Variants in ZNF469 observed in about 807,000 individuals in gnomAD.
ZNF469 encodes zinc finger protein 469.
Under a neutral mutation model 1.0 loss-of-function variants are expected in ZNF469, and 1 was observed. The ratio of observed to expected loss-of-function variants is 1.00; its 90% confidence interval spans 0.35 to 4.73. The LOEUF (loss-of-function observed/expected upper bound fraction) is 4.73, where lower values mean the gene tolerates loss of function less well. Ranked by LOEUF, ZNF469 falls within the 30% of genes most tolerant of loss-of-function variation. The pLI is 0.16. For missense variants in ZNF469, 6,100 were observed against 5,356.3 expected (o/e 1.14, Z -4.33); for synonymous variants, 2,703 against 2,363.4 (o/e 1.14, Z -4.17).
chr16:88,153,019 G>A, the ZNF469 span, among the ~76,000 whole-genome samples: 16 of 152,186 alleles, frequency 1.1e-4, no homozygotes, highest in Admixed American at 4.6e-4. Context: ...CTGCTGTGGT[G>A]ACGTTCTGCA....
upstream of ZNF469, among the ~76,000 whole-genome samples, chr16:88,382,126 C>T (rs1287305019): frequency 6.6e-6 from 1 of 152,206 alleles, no homozygotes; most frequent in African/African-American, 2.4e-5. Flanking sequence ...TGGGGGAGGG[C>T]GATCCGTCCC....
chr16:88,298,043 C>G, the ZNF469 span, among the ~76,000 whole-genome samples: 2 of 152,232 alleles, frequency 1.3e-5, no homozygotes, highest in Non-Finnish European at 1.5e-5. Flanking sequence ...CCCCAGAAAT[C>G]AAGTCCTTCT....
At chr16:88,201,411 C>T in the ZNF469 span, among the ~76,000 whole-genome samples, 4 of 151,998 alleles carry the variant, frequency 2.6e-5, no homozygotes, top group African/African-American at 9.7e-5. This position sits in a 1 kb window ranked among gnomAD's most constrained non-coding sequence, Gnocchi z 5.0. Context: ...AAAAATTAGC[C>T]GGGCGTGGTG....
At chr16:88,289,725 A>G in the ZNF469 span, among the ~76,000 whole-genome samples, 1 of 152,116 alleles carries the variant, frequency 6.6e-6, no homozygotes, top group East Asian at 1.9e-4. Context: ...TGTGTTCCTA[A>G]GCTCTCTTGG....
the ZNF469 span, among the ~76,000 whole-genome samples, chr16:88,229,609 GTGC>G: frequency 2.8e-5 from 4 of 145,058 alleles, no homozygotes; most frequent in African/African-American, 1.0e-4. Flanking sequence ...TCACGCGTGT[GTGC>G]TGATGTCACG....
rs1035548484 is a variant in ZNF469 at position 88,438,680 on chromosome 16, G to A, written c.11210G>A (p.Ser3737Asn). ...KPGPSSQGSG[S>N]PRPGTKTGGG... is the part of the protein sequence containing the mutation. ...GGCCCCAGCTCCCAGGGCAGTGGAA[G>A]CCCTCGCCCCGGCACCAAGACAGGA... is the stretch of plus-strand genomic sequence containing the variant. Residue 3737 changes from serine (S) to asparagine (N), a missense_variant, in exon 3 of 3, where the codon AGC becomes AAC. By Grantham distance (46) the Ser-to-Asn change is conservative. Transcript: ENST00000565624. 3.9e-6 allele frequency: 6 copies of A among 1,549,938 alleles called. No individual in the cohort carries two copies. The highest frequency in any genetic ancestry group is 5.2e-6 in the Non-Finnish European group (6 of 1,146,860).
At chr16:88,379,612 G>T (rs543951565), upstream of ZNF469, among the ~76,000 whole-genome samples, 3 of 152,234 alleles carry the variant, frequency 2.0e-5, no homozygotes, top group East Asian at 5.8e-4. Flanking sequence ...TGACACCTGG[G>T]GCAGGATGAT....
chr16:88,130,812 G>C, the ZNF469 span, among the ~76,000 whole-genome samples: 18 of 152,288 alleles, frequency 1.2e-4, no homozygotes, highest in East Asian at 3.3e-3. Flanking sequence ...ATGTTACCTC[G>C]GCTGGTCTCA....
chr16:88,226,216 C>A, the ZNF469 span, among the ~76,000 whole-genome samples: 2 of 152,010 alleles, frequency 1.3e-5, no homozygotes, highest in African/African-American at 4.8e-5. Context: ...TGAATTGTGT[C>A]CCCCCAAAAG....
At chr16:88,136,588 T>C in the ZNF469 span, among the ~76,000 whole-genome samples, 1 of 152,260 alleles carries the variant, frequency 6.6e-6, no homozygotes, top group African/African-American at 2.4e-5. Context: ...AGCTAGCAGA[T>C]GTAGCGTGGG....
the ZNF469 span, among the ~76,000 whole-genome samples, chr16:88,355,195 C>T: frequency 6.6e-6 from 1 of 152,192 alleles, no homozygotes; most frequent in Admixed American, 6.5e-5. Flanking sequence ...ACTATCACGC[C>T]CCCTCCCAGA....
the ZNF469 span, among the ~76,000 whole-genome samples, chr16:88,298,303 G>A: frequency 2.0e-5 from 3 of 152,274 alleles, no homozygotes; most frequent in African/African-American, 2.4e-5. Flanking sequence ...AACATGCCTC[G>A]AGCGTGTTTG....
In ZNF469 at chr16:88,436,541, A is replaced by G. The variant is rs1021561580; in HGVS notation, c.9071A>G (p.Glu3024Gly). ...GDVSPEPPSL[E>G]RERCDGGLPG... is the part of the protein sequence containing the mutation. ...GTGAGCCCCGAGCCCCCCAGCCTGGAGAGAGAACGCTGTGACGGTGGGCTT... is the reference window on the plus strand; with the variant it reads ...GTGAGCCCCGAGCCCCCCAGCCTGGGGAGAGAACGCTGTGACGGTGGGCTT... Residue 3024 changes from glutamate (E) to glycine (G), a missense_variant, in exon 3 of 3, where the codon GAG becomes GGG. Coordinates refer to ENST00000565624, the MANE Select transcript of ZNF469 (RefSeq NM_001367624.2). 1.9e-6 allele frequency: 3 copies of G among 1,549,352 alleles called. No individual in the cohort carries two copies. Among genetic ancestry groups the G allele is most frequent in the African/African-American group, 2.7e-5 (2 of 73,034 alleles).
intron 1 of ZNF469, among the ~76,000 whole-genome samples, chr16:88,406,234 G>A (rs1331588558): frequency 3.3e-5 from 5 of 152,206 alleles, no homozygotes; most frequent in Admixed American, 6.5e-5. Context: ...GGGCAGAAAC[G>A]TGGGTGTGTC....
chr16:88,132,337 T>C, the ZNF469 span, among the ~76,000 whole-genome samples: 5,022 of 151,926 alleles, frequency 0.033, no homozygotes, highest in African/African-American at 0.11. Flanking sequence ...CTCCCCGCGG[T>C]GACTGGCTGC....
chr16:88,336,386 TC>T, the ZNF469 span, among the ~76,000 whole-genome samples: 1 of 69,680 alleles, frequency 1.4e-5, no homozygotes, highest in Non-Finnish European at 2.9e-5. Context: ...CATGCCAACA[TC>T]ACACATGTTC....
the ZNF469 span, chr16:88,178,900 G>A: frequency 1.1e-4 from 16 of 152,170 alleles, no homozygotes; most frequent in African/African-American, 3.6e-4. Context: ...ACCTTCACCT[G>A]GAGGCCGCCC....
rs769351837 is a variant in ZNF469, at chr16:88,429,736, C to T, written c.2266C>T (p.Leu756Phe). 24 of 1,544,820 alleles carry T rather than the reference C, an allele frequency of 1.6e-5. No individual in the cohort carries two copies. The highest frequency in any genetic ancestry group is 1.2e-4 in the South Asian group (10 of 83,966). ...GGCCCACCGGCAGTTCTGTGGCCTG[C>T]TCCTGGCCAGGGCCAAGGATGGCCA... ...FLAHRQFCGL[L>F]LARAKDGHQR... Residue 756 changes from leucine (L) to phenylalanine (F), a missense_variant, in exon 3 of 3, where the codon CTC (leucine) becomes TTC (phenylalanine). Physicochemically the swap from Leu to Phe is conservative, Grantham distance 22 (BLOSUM62 0). Transcript: ENST00000565624.
upstream of ZNF469, among the ~76,000 whole-genome samples, chr16:88,381,597 G>T (rs2092525594): frequency 1.3e-5 from 2 of 152,252 alleles, no homozygotes; most frequent in Admixed American, 1.3e-4. Flanking sequence ...ACTCGAGAGG[G>T]TTTCTTAGTT....
Sources: gnomAD v4.1 joint callset for allele counts (sites outside exome capture counted in the v4.1 genomes callset) on GRCh38, gnomAD v4.1.1 for gene constraint, Gnocchi (gnomAD v3.1) non-coding constraint, MANE v1.5 for transcripts, NCBI Gene and HGNC (gene_info 2026-07-23, HGNC 2026-07-21) for gene names.